The following IRAG1 variants were observed in gnomAD, a reference collection of about 807,000 sequenced individuals.
The protein encoded by IRAG1 is IP3R-associated cGMP kinase substrate.
IRAG1 carries 62 observed loss-of-function variants against 106.2 expected under a neutral mutation model. The ratio of observed to expected loss-of-function variants is 0.58; its 90% CI spans 0.48 to 0.72. The LOEUF (loss-of-function observed/expected upper bound fraction) is 0.72. Ranked by LOEUF, IRAG1 falls within the 30% of genes least tolerant of loss-of-function variation. The probability of loss-of-function intolerance (pLI) is 0.00; values close to 1 mark genes in which losing one functional copy is unlikely to be tolerated. For missense variants in IRAG1, 1,064 were observed against 1,140.7 expected, an observed-to-expected ratio of 0.93 and a Z score of 0.97; for synonymous variants, 462 against 443.9, an observed-to-expected ratio of 1.04 and a Z score of -0.51.
intron 2 of IRAG1, among the ~76,000 whole-genome samples, chr11:10,649,147 C>A (rs1247322688): frequency 6.6e-6 from 1 of 152,210 alleles, no homozygotes; most frequent in Non-Finnish European, 1.5e-5. Context: ...GCTCCTGAGG[C>A]CTGACCCTCC....
intron 10 of IRAG1, among the ~76,000 whole-genome samples, chr11:10,617,894 C>T (rs1244814421): frequency 6.6e-6 from 1 of 152,112 alleles, no homozygotes; most frequent in Non-Finnish European, 1.5e-5. Context: ...CTGGTGTCTC[C>T]CTGTCTCTAG....
chr11:10,674,277 T>A (rs1860474840), intron 1 of IRAG1, among the ~76,000 whole-genome samples: 1 of 152,186 alleles, frequency 6.6e-6, no homozygotes, highest in Middle Eastern at 3.2e-3. Context: ...ACACTCCACA[T>A]GCACAAATGT....
At chr11:10,691,742 C>T (rs774276042) in intron 1 of IRAG1, among the ~76,000 whole-genome samples, 2 of 152,078 alleles carry the variant, frequency 1.3e-5, no homozygotes, top group Non-Finnish European at 2.9e-5. Flanking sequence ...CGTGGAAAGC[C>T]TCAGATGCAC....
chr11:10,692,574 C>A (rs1259846195), intron 1 of IRAG1, among the ~76,000 whole-genome samples: 2 of 152,162 alleles, frequency 1.3e-5, no homozygotes, highest in East Asian at 1.9e-4. Flanking sequence ...GGACCCCCAG[C>A]CTCACAGTCC....
chr11:10,596,712 C>T (rs1853354740), intron 15 of IRAG1, among the ~76,000 whole-genome samples: 1 of 152,220 alleles, frequency 6.6e-6, no homozygotes, highest in African/African-American at 2.4e-5. Flanking sequence ...CTGAACTATA[C>T]ATTGGGTAAC....
chr11:10,677,305 TCC>T (rs1258900258), intron 1 of IRAG1, among the ~76,000 whole-genome samples: 3 of 152,240 alleles, frequency 2.0e-5, no homozygotes, highest in Non-Finnish European at 2.9e-5. Context: ...AGTCAATGTC[TCC>T]TTCTCCTGAA....
intron 1 of IRAG1, among the ~76,000 whole-genome samples, chr11:10,675,923 T>C (rs958903874): frequency 6.6e-6 from 1 of 152,202 alleles, no homozygotes. Flanking sequence ...CTCAGCTGCC[T>C]TATTCATGGA....
chr11:10,607,463 AG>A (rs1854571593), intron 11 of IRAG1, among the ~76,000 whole-genome samples: 1 of 152,250 alleles, frequency 6.6e-6, no homozygotes, highest in Non-Finnish European at 1.5e-5. Context: ...GCGTTCCCAC[AG>A]CCAGGGCTCT....
intron 1 of IRAG1, among the ~76,000 whole-genome samples, chr11:10,676,328 C>G (rs1860664804): frequency 1.3e-5 from 2 of 152,246 alleles, no homozygotes; most frequent in South Asian, 4.1e-4. Context: ...TCAGCACAGT[C>G]AGTGCTTTGG....
In IRAG1 at chr11:10,634,071, C is replaced by A. The variant is rs779157196; in HGVS notation, c.226G>T (p.Gly76Cys). ...PQAAQSPAGQ[G>C]PPAAGVSCSP... Reference sequence around the variant, plus strand: ...CAAGATACTCCTGCGGCAGGAGGACCCTGCCGGTTTAGAACAAAAACACAG... The same window carrying A: ...CAAGATACTCCTGCGGCAGGAGGACACTGCCGGTTTAGAACAAAAACACAG... The change falls in exon 3 of 21, where the codon GGT becomes TGT. Residue 76 changes from glycine (G) to cysteine (C), a missense_variant and splice_region_variant. Coordinates refer to ENST00000423302, the MANE Select transcript of IRAG1 (RefSeq NM_130385.4). The A allele has an allele frequency of 2.5e-6, 4 of 1,599,068 alleles. No homozygotes were observed. The South Asian group carries it at 3.4e-5, about 13-fold the overall frequency.
chr11:10,594,230 T>G, intron 15 of IRAG1, 35 bp from the exon 16 acceptor site: 1 of 1,593,386 alleles, frequency 6.3e-7, no homozygotes, highest in Non-Finnish European at 8.6e-7. Flanking sequence ...AGAACACAGG[T>G]AAGTTTCAGG....
Position 10,581,965 on chromosome 11 carries a change from T to C in IRAG1, c.2262A>G (p.Pro754=). The C allele has an allele frequency of 1.2e-6, 2 of 1,613,628 alleles. No individual in the cohort carries two copies. The highest frequency in any genetic ancestry group is 1.7e-5 in the Admixed American group (1 of 59,980). The change falls in exon 19 of 21, where the codon CCA becomes CCG. Residue 754 remains proline (P), a synonymous_variant. Transcript: ENST00000423302. ...LLENGKTNGD[P]DCEASAPALT... ...GCGCAGGAGCAGAGGCTTCACAATC[T>C]GGGTCCCCATTTGTCTTTCCACTAG...
chr11:10,628,625 G>A lies in IRAG1; in HGVS notation c.652+126C>T. 1 of 786,956 alleles carries A rather than the reference G, an allele frequency of 1.3e-6. No individual in the cohort carries two copies. The highest frequency in any genetic ancestry group is 3.0e-5 in the East Asian group (1 of 33,406). 48.7% of individuals were successfully genotyped at this position (786,956 alleles called of 1,614,324 possible). A position where few individuals can be genotyped will look rare whatever the true frequency, so the allele number is the denominator to read the frequency against. ...CCTGGAGAGGGGTCTTGCTCTGGGT[G>A]TGAAGGGGCCATCAGAGTTCTTGAA... On this transcript the variant is annotated intron_variant, in intron 6 of 20. Transcript: ENST00000423302. The surrounding 1 kb of genome is among the most constrained non-coding windows in gnomAD (Gnocchi z 4.1).
intron 10 of IRAG1, among the ~76,000 whole-genome samples, chr11:10,613,333 C>T (rs1257518139): frequency 2.0e-5 from 3 of 151,566 alleles, no homozygotes; most frequent in Admixed American, 6.6e-5. Flanking sequence ...ATCAGCTGGT[C>T]CCAGCTTTCT....
At chr11:10,607,503 T>C (rs1854574640) in intron 11 of IRAG1, among the ~76,000 whole-genome samples, 1 of 152,228 alleles carries the variant, frequency 6.6e-6, no homozygotes, top group Non-Finnish European at 1.5e-5. Flanking sequence ...TGCATCTGCA[T>C]GTCCACTCGA....
rs367704574 is a variant in IRAG1, at chr11:10,671,064, T to C, written c.68-18882A>G. On this transcript the variant is annotated intron_variant, in intron 1 of 20. Transcript: ENST00000423302. ...AAACATTTAATCTTTGAAATAGGGA[T>C]CAATACATTTTGGAGAATAATTGCT... 1.2e-4 allele frequency among the ~76,000 whole-genome samples: 18 copies of C among 152,374 alleles called. No individual in the cohort carries two copies. In the South Asian group the frequency reaches 3.1e-3, roughly 26 times the overall value.
chr11:10,602,768 T>C (rs186562704), intron 14 of IRAG1, among the ~76,000 whole-genome samples: 66 of 152,296 alleles, frequency 4.3e-4, no homozygotes, highest in Non-Finnish European at 7.5e-4. Flanking sequence ...TGGGGGGAAT[T>C]CTTCAGTTAA....
At chr11:10,693,127 G>C (rs1862190898) in intron 1 of IRAG1, among the ~76,000 whole-genome samples, 1 of 152,160 alleles carries the variant, frequency 6.6e-6, no homozygotes, top group African/African-American at 2.4e-5. Flanking sequence ...AGGGGCGTAG[G>C]GGGACAGAGA....
chr11:10,673,243 A>C lies in IRAG1; in HGVS notation c.67+20293T>G, dbSNP rs1037285891. ...GGTTGCAGTGAGCTGAGATCATGCC[A>C]CTTGCACTCCAGCCTGGGTGACGGA... On this transcript the variant is annotated intron_variant, in intron 1 of 20. Transcript: ENST00000423302. Among the ~76,000 whole-genome samples the C allele has an allele frequency of 4.6e-5, 7 of 152,154 alleles. No individual in the cohort carries two copies. In the East Asian group the frequency reaches 1.2e-3, roughly 25 times the overall value.
Sources: allele counts gnomAD v4.1 joint callset (sites outside exome capture counted in the v4.1 genomes callset), GRCh38; gene constraint gnomAD v4.1.1; non-coding constraint Gnocchi (gnomAD v3.1); transcripts MANE v1.5; gene names NCBI Gene and HGNC (gene_info 2026-07-23, HGNC 2026-07-21).